RAC3: variants seen among roughly 807,000 people sequenced by gnomAD.
The protein encoded by RAC3 is ras-related C3 botulinum toxin substrate 3.
RAC3 carries 9 observed loss-of-function variants against 19.0 expected under a neutral mutation model. The observed-to-expected ratio is 0.47, with a 90% CI of 0.29 to 0.83. The LOEUF (loss-of-function observed/expected upper bound fraction) is 0.83. RAC3 is among the 40% of genes least tolerant of loss of function. RAC3 has a pLI of 0.09. For missense variants in RAC3, 203 were observed against 260.8 expected, an observed-to-expected ratio of 0.78 and a Z score of 1.53; for synonymous variants, 146 against 111.8, an observed-to-expected ratio of 1.31 and a Z score of -1.93.
chr17:82,032,429 C>A lies in RAC3; in HGVS notation c.78C>A (p.Asn26Lys). 1 of 1,613,058 alleles carries A rather than the reference C, an allele frequency of 6.2e-7. No individual in the cohort carries two copies. Among genetic ancestry groups the A allele is most frequent in the Non-Finnish European group, 8.5e-7 (1 of 1,179,968 alleles). Residue 26 changes from asparagine (N) to lysine (K), a missense_variant, in exon 2 of 6, where the codon AAC becomes AAA. Asn to Lys is a moderately conservative substitution (Grantham distance 94, BLOSUM62 0). Around this residue, in one of 3 missense-constraint regions of RAC3, gnomAD observed 49 missense variants for 67.4 expected, o/e 0.73. Coordinates refer to ENST00000306897, the MANE Select transcript of RAC3 (RefSeq NM_005052.3). ...KTCLLISYTTNAFPGEYIPTV... is the reference protein window; with the variant it reads ...KTCLLISYTTKAFPGEYIPTV... ...GCTTGCTGATCAGCTACACGACCAACGCCTTCCCCGGAGAGTACATCCCCA... is the reference window on the plus strand; with the variant it reads ...GCTTGCTGATCAGCTACACGACCAAAGCCTTCCCCGGAGAGTACATCCCCA...
chr17:82,033,650 G>C lies in RAC3; in HGVS notation c.449-49G>C. 5.6e-6 allele frequency: 9 copies of C among 1,603,992 alleles called. No homozygotes were observed. The highest frequency in any genetic ancestry group is 7.7e-6 in the Non-Finnish European group (9 of 1,173,480). Reference sequence around the variant, plus strand: ...GGGAGGGGTGGGGAGGCGCAGTAAGGGCCTCCCTGTACCCCACCCTCACTG... The same window carrying C: ...GGGAGGGGTGGGGAGGCGCAGTAAGCGCCTCCCTGTACCCCACCCTCACTG... On this transcript the variant is annotated intron_variant, in intron 5 of 5. Transcript: ENST00000306897. This position sits in a 1 kb window ranked among gnomAD's most constrained non-coding sequence, Gnocchi z 6.2.
chr17:82,033,345 G>A lies in RAC3; in HGVS notation c.289-95G>A, dbSNP rs555156494. 2.2e-6 allele frequency: 3 copies of A among 1,363,198 alleles called. No homozygotes were observed. The highest frequency in any genetic ancestry group is 5.5e-5 in the Admixed American group (2 of 36,638). The allele number at this position is 1,363,198 out of a possible 1,614,324, so 84.4% of individuals were successfully genotyped here. ...GGAAGAAGAGCCAAGTGTAGCTCTG[G>A]AACAGTGGGGAAAGTCCCTGAGGGC... On this transcript the variant is annotated intron_variant, in intron 4 of 5. Coordinates refer to ENST00000306897, the MANE Select transcript of RAC3 (RefSeq NM_005052.3). The surrounding 1 kb of genome is among the most constrained non-coding windows in gnomAD (Gnocchi z 6.2).
chr17:82,034,010 T>C lies in RAC3; in HGVS notation c.*181T>C. 1 of 756,482 alleles carries C rather than the reference T, an allele frequency of 1.3e-6. No homozygotes were observed. The highest frequency in any genetic ancestry group is 1.9e-6 in the Non-Finnish European group (1 of 515,554). The allele number at this position is 756,482 out of a possible 1,614,324, so 46.9% of individuals were successfully genotyped here. ...TCCTCTCTGCCGCCTCATTCTGGGG[T>C]GTGGCTCCAGCCTTCCCTGGCCCCC... is the stretch of plus-strand genomic sequence containing the variant. On this transcript the variant is annotated 3_prime_UTR_variant, in exon 6 of 6. Coordinates refer to ENST00000306897, the MANE Select transcript of RAC3 (RefSeq NM_005052.3).
Position 82,033,351 on chromosome 17 carries a change from TG to T in RAC3, c.289-85del. 1 of 1,388,230 alleles carries T rather than the reference TG, an allele frequency of 7.2e-7. No individual in the cohort carries two copies. The highest frequency in any genetic ancestry group is 9.6e-7 in the Non-Finnish European group (1 of 1,043,066). 86.0% of individuals were successfully genotyped at this position (1,388,230 alleles called of 1,614,324 possible). ...AGAGCCAAGTGTAGCTCTGGAACAG[TG>T]GGGAAAGTCCCTGAGGGCCGTGACT... On this transcript the variant is annotated intron_variant, in intron 4 of 5. Transcript: ENST00000306897. This position sits in a 1 kb window ranked among gnomAD's most constrained non-coding sequence, Gnocchi z 6.2.
chr17:82,032,051 G>T, intron 1 of RAC3: 1 of 249,626 alleles, frequency 4.0e-6, no homozygotes, highest in Non-Finnish European at 7.6e-6. Flanking sequence ...AGGCGGGGCC[G>T]CCGCCCTGTC....
intron 1 of RAC3, 61 bp from the exon 2 acceptor site, chr17:82,032,326 C>T: frequency 6.4e-7 from 1 of 1,556,710 alleles, no homozygotes. Flanking sequence ...AGGGGGCTGC[C>T]CTTGCTGGGC....
chr17:82,032,655 G>T, intron 2 of RAC3, 56 bp from the exon 3 acceptor site: 1 of 1,538,458 alleles, frequency 6.5e-7, no homozygotes. Flanking sequence ...GGCCAGCAGG[G>T]CTGGGGGTTT....
rs1335546694 is a variant in RAC3 at position 82,032,474 on chromosome 17, TC to T, written c.107+19del. On this transcript the variant is annotated intron_variant, in intron 2 of 5. Coordinates refer to ENST00000306897, the MANE Select transcript of RAC3 (RefSeq NM_005052.3). ...TCCCCACCGTGTGAGTGTGGGGGCT[TC>T]CCGGGAGAGCACAGGCCCTCCGTGT... The T allele has an allele frequency of 6.2e-7, 1 of 1,612,020 alleles. No individual in the cohort carries two copies. Among genetic ancestry groups the T allele is most frequent in the South Asian group, 1.1e-5 (1 of 91,064 alleles).
At chr17:82,032,917 C>G (rs554804228) in intron 3 of RAC3, 30 bp from the exon 4 acceptor site, 1 of 1,611,660 alleles carries the variant, frequency 6.2e-7, no homozygotes, top group South Asian at 1.1e-5. Flanking sequence ...AGCCCCTGAC[C>G]ACTCCACCAG....
At position 82,033,761 on chromosome 17, in the gene RAC3, G is replaced by T. The variant is rs1336881634; in HGVS notation, c.511G>T (p.Glu171Ter). 2 of 1,612,856 alleles carry T rather than the reference G, an allele frequency of 1.2e-6. No individual in the cohort carries two copies. Among genetic ancestry groups the T allele is most frequent in the African/African-American group, 2.7e-5 (2 of 75,016 alleles). Reference protein sequence around the residue: ...TQRGLKTVFDEAIRAVLCPPP... With the variant: ...TQRGLKTVFD ...GCGGGGCCTGAAGACAGTGTTTGAC[G>T]AGGCGATCCGCGCGGTGCTCTGCCC... Residue 171 changes from glutamate (E) to a stop codon, truncating the protein, a stop_gained, in exon 6 of 6, where the codon GAG (glutamate) becomes TAG (stop). Coordinates refer to ENST00000306897, the MANE Select transcript of RAC3 (RefSeq NM_005052.3). LOFTEE classifies it high-confidence loss of function. This position sits in a 1 kb window ranked among gnomAD's most constrained non-coding sequence, Gnocchi z 6.2.
intron 1 of RAC3, 188 bp from the exon 2 acceptor site, chr17:82,032,199 C>T: frequency 1.6e-6 from 1 of 609,736 alleles, no homozygotes; most frequent in South Asian, 2.0e-5. Context: ...TTCACCACCC[C>T]AGCCCCCGGA....
At position 82,033,805 on chromosome 17, in the gene RAC3, G is replaced by A. The variant is rs372849049; in HGVS notation, c.555G>A (p.Pro185=). 2.3e-5 allele frequency: 37 copies of A among 1,608,028 alleles called. No homozygotes were observed. Among genetic ancestry groups the A allele is most frequent in the East Asian group, 1.8e-4 (8 of 44,528 alleles). Residue 185 remains proline (P), a synonymous_variant, in exon 6 of 6, where the codon CCG becomes CCA. Transcript: ENST00000306897. This position sits in a 1 kb window ranked among gnomAD's most constrained non-coding sequence, Gnocchi z 6.2. ...AVLCPPPVKK[P]GKKCTVF ...TCTGCCCGCCCCCAGTGAAGAAGCC[G>A]GGGAAGAAGTGCACCGTCTTCTAGA...
rs2043431180 is a variant in RAC3, at chr17:82,031,755, C to T, written c.-7C>T. On this transcript the variant is annotated 5_prime_UTR_variant, in exon 1 of 6. Coordinates refer to ENST00000306897, the MANE Select transcript of RAC3 (RefSeq NM_005052.3). The stretch of plus-strand genomic sequence containing the variant: ...CGGCCGCGCCCGCCGCCGCCCGGCC[C>T]GCGCCCATGCAGGCCATCAAGTGCG... 21 of 993,032 alleles carry T rather than the reference C, an allele frequency of 2.1e-5. 1 individual carries two copies. Among genetic ancestry groups the T allele is most frequent in the Admixed American group, 6.2e-5 (1 of 16,124 alleles). The allele number at this position is 993,032 out of a possible 1,614,324, so 61.5% of individuals were successfully genotyped here. A position where few individuals can be genotyped will look rare whatever the true frequency, so the allele number is the denominator to read the frequency against.
rs769174564 is a variant in RAC3 at position 82,032,482 on chromosome 17, G to A, written c.107+24G>A. ...GTGTGAGTGTGGGGGCTTCCCGGGA[G>A]AGCACAGGCCCTCCGTGTGAGTGTG... On this transcript the variant is annotated intron_variant, in intron 2 of 5. Coordinates refer to ENST00000306897, the MANE Select transcript of RAC3 (RefSeq NM_005052.3). 12 of 1,610,120 alleles carry A rather than the reference G, an allele frequency of 7.5e-6. No homozygotes were observed. The South Asian group carries it at 9.9e-5, about 13-fold the overall frequency.
rs778556332 is a variant in RAC3 at position 82,033,794 on chromosome 17, G to C, written c.544G>C (p.Val182Leu). ...CCGCGCGGTGCTCTGCCCGCCCCCA[G>C]TGAAGAAGCCGGGGAAGAAGTGCAC... Reference protein sequence around the residue: ...AIRAVLCPPPVKKPGKKCTVF With the variant: ...AIRAVLCPPPLKKPGKKCTVF The change falls in exon 6 of 6, where the codon GTG becomes CTG. Residue 182 changes from valine (V) to leucine (L), a missense_variant. By Grantham distance (32) the Val-to-Leu change is conservative. Coordinates refer to ENST00000306897, the MANE Select transcript of RAC3 (RefSeq NM_005052.3). This position sits in a 1 kb window ranked among gnomAD's most constrained non-coding sequence, Gnocchi z 6.2. 5 of 1,611,068 alleles carry C rather than the reference G, an allele frequency of 3.1e-6. No homozygotes were observed. The South Asian group carries it at 5.5e-5, about 18-fold the overall frequency.
In RAC3 at chr17:82,033,970, G is replaced by C. The variant is rs2043458898; in HGVS notation, c.*141G>C. On this transcript the variant is annotated 3_prime_UTR_variant, in exon 6 of 6. Coordinates refer to ENST00000306897, the MANE Select transcript of RAC3 (RefSeq NM_005052.3). The surrounding 1 kb of genome is among the most constrained non-coding windows in gnomAD (Gnocchi z 6.2). The stretch of plus-strand genomic sequence containing the variant: ...GGGGGGAAGCATGGGGATGAGGCTG[G>C]GTGGCAGGATCCTGTCCTCTCTGCC... 8.6e-7 allele frequency: 1 copy of C among 1,166,316 alleles called. No individual in the cohort carries two copies. Among genetic ancestry groups the C allele is most frequent in the Non-Finnish European group, 1.2e-6 (1 of 844,278 alleles). The allele number at this position is 1,166,316 out of a possible 1,614,324, so 72.2% of individuals were successfully genotyped here.
chr17:82,032,931 C>A lies in RAC3; in HGVS notation c.226-16C>A. Reference sequence around the variant, plus strand: ...GAGCCCCTGACCACTCCACCAGGTCCCACCTTTTTCCCAAGGACGTCTTTC... The same window carrying A: ...GAGCCCCTGACCACTCCACCAGGTCACACCTTTTTCCCAAGGACGTCTTTC... On this transcript the variant is annotated splice_polypyrimidine_tract_variant and intron_variant, in intron 3 of 5. Coordinates refer to ENST00000306897, the MANE Select transcript of RAC3 (RefSeq NM_005052.3). 1.9e-6 allele frequency: 3 copies of A among 1,613,436 alleles called. No homozygotes were observed. The highest frequency in any genetic ancestry group is 2.5e-6 in the Non-Finnish European group (3 of 1,179,748).
chr17:82,032,243 G>A (rs1473980388), intron 1 of RAC3, 144 bp from the exon 2 acceptor site: 7 of 721,832 alleles, frequency 9.7e-6, no homozygotes, highest in East Asian at 5.4e-5. Flanking sequence ...CCAGCCTTAG[G>A]TCGCCACGGA....
Position 82,032,461 on chromosome 17 carries a change from G to A in RAC3, c.107+3G>A, listed in dbSNP as rs772597902. ...CCCGGAGAGTACATCCCCACCGTGT[G>A]AGTGTGGGGGCTTCCCGGGAGAGCA... On this transcript the variant is annotated splice_donor_region_variant and intron_variant, in intron 2 of 5. Coordinates refer to ENST00000306897, the MANE Select transcript of RAC3 (RefSeq NM_005052.3). 1 of 1,612,608 alleles carries A rather than the reference G, an allele frequency of 6.2e-7. No individual in the cohort carries two copies. The highest frequency in any genetic ancestry group is 2.2e-5 in the East Asian group (1 of 44,894).
Sources: gnomAD v4.1 joint callset for allele counts on GRCh38, gnomAD v4.1.1 for gene constraint, gnomAD v4.1.1 regional missense constraint, Gnocchi (gnomAD v3.1) non-coding constraint, MANE v1.5 for transcripts, NCBI Gene and HGNC (gene_info 2026-07-23, HGNC 2026-07-21) for gene names.